The following PRKCB variants were observed in gnomAD, a reference collection of about 807,000 sequenced individuals.
The protein encoded by PRKCB is protein kinase C beta type.
In PRKCB, 13 loss-of-function variants were observed where a neutral mutation model predicts 81.5. The ratio of observed to expected loss-of-function variants is 0.16; its 90% CI spans 0.10 to 0.25. PRKCB has a LOEUF of 0.25. PRKCB is among the 10% of genes least tolerant of loss of function. The probability of loss-of-function intolerance (pLI) is 1.00; values close to 1 mark genes in which losing one functional copy is unlikely to be tolerated. For missense variants in PRKCB, 509 were observed against 875.7 expected (o/e 0.58, Z 5.29); for synonymous variants, 335 against 321.4 (o/e 1.04, Z -0.45).
At chr16:24,056,425 C>T (rs187570709) in intron 5 of PRKCB, among the ~76,000 whole-genome samples, 8 of 152,364 alleles carry the variant, frequency 5.3e-5, no homozygotes, top group Non-Finnish European at 4.4e-5. Context: ...ACAATGCCCA[C>T]TGGGTCTCCA....
chr16:24,021,345 TCCTTCCTTCCTCCTTCCCTC>T (rs1965398212), intron 3 of PRKCB, among the ~76,000 whole-genome samples: 1 of 32,556 alleles, frequency 3.1e-5, no homozygotes. Flanking sequence ...CTTCCTTCCT[TCCTTCCTTCCTCCTTCCCTC>T]CCTCCCTCCC....
chr16:24,205,232 C>G (rs1968027048), intron 16 of PRKCB, among the ~76,000 whole-genome samples: 1 of 150,616 alleles, frequency 6.6e-6, no homozygotes, highest in Non-Finnish European at 1.5e-5. Flanking sequence ...CTCACTGCAG[C>G]CTCCAGTTCC....
chr16:23,947,019 C>A (rs886777935), intron 2 of PRKCB, among the ~76,000 whole-genome samples: 2 of 152,122 alleles, frequency 1.3e-5, no homozygotes, highest in African/African-American at 4.8e-5. Flanking sequence ...CCACTGCTGG[C>A]TAATTTTTGT....
At chr16:23,869,168 C>A (rs1253714189) in intron 2 of PRKCB, 12 of 452,602 alleles carry the variant, frequency 2.7e-5, no homozygotes, top group Non-Finnish European at 5.3e-5. Context: ...GGAACGTGAG[C>A]AGACACAATC....
chr16:24,116,901 C>T (rs540828359), intron 8 of PRKCB, among the ~76,000 whole-genome samples: 71 of 152,254 alleles, frequency 4.7e-4, no homozygotes, highest in Admixed American at 7.8e-4. Flanking sequence ...CATTTCAGAA[C>T]ACCAAGGAAA....
rs369975926 is a variant in PRKCB, at chr16:24,096,303, C to A, written c.821+2006C>A. Among the ~76,000 whole-genome samples the A allele has an allele frequency of 3.0e-4, 45 of 152,162 alleles. 1 individual carries two copies. The East Asian group carries it at 3.1e-3, about 10-fold the overall frequency. On this transcript the variant is annotated intron_variant, in intron 7 of 16. Coordinates refer to ENST00000643927, the MANE Select transcript of PRKCB (RefSeq NM_002738.7). ...AATAAAATAAACACTAAATTTGTCA[C>A]AAAGTTAACTTGGCCCGAGCCCAGG...
At chr16:24,004,112 T>C (rs941658262) in intron 3 of PRKCB, among the ~76,000 whole-genome samples, 6 of 152,162 alleles carry the variant, frequency 3.9e-5, no homozygotes, top group East Asian at 1.9e-4. Context: ...GATAAAAATA[T>C]GCCAGCAAGG....
chr16:23,847,577 C>CATCCATCCATCCATCCATCTATCT (rs112988555), intron 2 of PRKCB, among the ~76,000 whole-genome samples: 1 of 150,554 alleles, frequency 6.6e-6, no homozygotes, highest in East Asian at 2.0e-4. Flanking sequence ...TCCATCCATC[C>CATCCATCCATCCATCCATCTATCT]GTCTGGCTAT....
At chr16:23,985,118 G>A (rs1596499110) in intron 2 of PRKCB, among the ~76,000 whole-genome samples, 1 of 152,190 alleles carries the variant, frequency 6.6e-6, no homozygotes, top group Admixed American at 6.5e-5. Flanking sequence ...TTGAGATGGA[G>A]TCTCGCTCTG....
chr16:24,096,649 T>G (rs1359958239), intron 7 of PRKCB, among the ~76,000 whole-genome samples: 1 of 72,422 alleles, frequency 1.4e-5, no homozygotes, highest in Admixed American at 1.5e-4. Context: ...TCCCTTCCTA[T>G]GGCAAAAAAA....
At chr16:24,150,524 C>T (rs1190192505) in intron 9 of PRKCB, among the ~76,000 whole-genome samples, 3 of 152,144 alleles carry the variant, frequency 2.0e-5, no homozygotes, top group Non-Finnish European at 4.4e-5. Context: ...GTATCCACTG[C>T]CCAATCAGAA....
chr16:23,956,396 GCAGAGTGTTTCATAATATGGCCAC>G (rs1224780888), intron 2 of PRKCB, among the ~76,000 whole-genome samples: 1 of 151,990 alleles, frequency 6.6e-6, no homozygotes, highest in Non-Finnish European at 1.5e-5. Flanking sequence ...TTAAATGGCT[GCAGAGTGTTTCATAATATGGCCAC>G]CATATTATTT....
chr16:24,203,954 G>A (rs1968003960), intron 16 of PRKCB, among the ~76,000 whole-genome samples: 1 of 152,036 alleles, frequency 6.6e-6, no homozygotes, highest in African/African-American at 2.4e-5. Context: ...AAGTGGGAAG[G>A]TTTCTGTTCT....
chr16:23,840,072 C>T (rs1228279932), intron 2 of PRKCB, among the ~76,000 whole-genome samples: 1 of 151,992 alleles, frequency 6.6e-6, no homozygotes, highest in East Asian at 1.9e-4. Context: ...GATTGGCAGT[C>T]CCTGAAATTG....
At chr16:23,933,090 C>A (rs1268089702) in intron 2 of PRKCB, among the ~76,000 whole-genome samples, 2 of 152,140 alleles carry the variant, frequency 1.3e-5, no homozygotes, top group African/African-American at 4.8e-5. Flanking sequence ...TGTTCGGTGG[C>A]AATGTGCCCA....
At chr16:23,899,268 A>G (rs569710532) in intron 2 of PRKCB, among the ~76,000 whole-genome samples, 1 of 152,340 alleles carries the variant, frequency 6.6e-6, no homozygotes, top group Admixed American at 6.5e-5. Flanking sequence ...GGCATTTGCA[A>G]CATTGGTTGG....
chr16:23,995,172 C>T (rs560427823), intron 3 of PRKCB, among the ~76,000 whole-genome samples: 2 of 152,304 alleles, frequency 1.3e-5, no homozygotes, highest in South Asian at 2.1e-4. Flanking sequence ...GAGAAAGAGA[C>T]AGATGGCCTA....
intron 15 of PRKCB, among the ~76,000 whole-genome samples, 162 bp downstream of exon 15, chr16:24,185,729 GGA>G (rs1453546588): frequency 3.3e-5 from 5 of 152,226 alleles, no homozygotes; most frequent in African/African-American, 1.2e-4. Context: ...ACCTCCCGGA[GGA>G]GAGAGAGCTT....
At chr16:24,071,526 T>C (rs74013118) in intron 5 of PRKCB, among the ~76,000 whole-genome samples, 2,421 of 151,802 alleles carry the variant, frequency 0.016, 66 homozygotes, top group African/African-American at 0.054. Flanking sequence ...TCCACCAATT[T>C]TAATGTGGAT....
Sources: gnomAD v4.1 joint callset for allele counts (sites outside exome capture counted in the v4.1 genomes callset) on GRCh38, gnomAD v4.1.1 for gene constraint, MANE v1.5 for transcripts, NCBI Gene and HGNC (gene_info 2026-07-23, HGNC 2026-07-21) for gene names.